The following TSPAN5 variants were observed in gnomAD, a reference collection of about 807,000 sequenced individuals.
The protein encoded by TSPAN5 is tetraspanin 5.
TSPAN5 carries 10 observed loss-of-function variants against 37.1 expected under a neutral mutation model. That is an observed-to-expected ratio of 0.27 (90% CI 0.17 to 0.46). TSPAN5 has a LOEUF of 0.46. Among genes scored for constraint, TSPAN5 ranks in the 20% least tolerant of loss-of-function variants. The probability of loss-of-function intolerance (pLI) is 1.00; values close to 1 mark genes in which losing one functional copy is unlikely to be tolerated. For synonymous variants in TSPAN5, 110 were observed against 118.9 expected (o/e 0.93, Z 0.48); for missense variants, 195 against 326.6 (o/e 0.60, Z 3.11).
At chr4:98,626,886 G>GTTTTTTTTTTTTTTTTTTTTTTT (rs34770397) in intron 1 of TSPAN5, among the ~76,000 whole-genome samples, 1 of 83,486 alleles carries the variant, frequency 1.2e-5, no homozygotes, top group East Asian at 3.3e-4. Context: ...ATGAGAGCAG[G>GTTTTTTTTTTTTTTTTTTTTTTT]TTTTTTTTTT....
chr4:98,487,370 A>C (rs959609226), intron 2 of TSPAN5, among the ~76,000 whole-genome samples: 1 of 152,150 alleles, frequency 6.6e-6, no homozygotes, highest in Non-Finnish European at 1.5e-5. Flanking sequence ...ACAAACAAAA[A>C]AAGACAGATG....
In TSPAN5 at chr4:98,517,830, T is replaced by C. The variant is rs1753768870; in HGVS notation, c.82-10102A>G. ...CTCAGTAAAAGAAAGGCTTGCACTA[T>C]TCCATCTGTAACTCCCTGATTAGAT... On this transcript the variant is annotated intron_variant, in intron 1 of 7. Coordinates refer to ENST00000305798, the MANE Select transcript of TSPAN5 (RefSeq NM_005723.4). Among the ~76,000 whole-genome samples, 3 of 152,324 alleles carry C rather than the reference T, an allele frequency of 2.0e-5. No homozygotes were observed. The South Asian group carries it at 6.2e-4, about 32-fold the overall frequency.
At chr4:98,650,156 A>G (rs1757154315) in intron 1 of TSPAN5, among the ~76,000 whole-genome samples, 1 of 152,218 alleles carries the variant, frequency 6.6e-6, no homozygotes, top group African/African-American at 2.4e-5. Flanking sequence ...GGCTATTTTT[A>G]AATAATGAAG....
rs781233895 is a variant in TSPAN5 at position 98,581,522 on chromosome 4, C to T, written c.82-73794G>A. 3.9e-5 allele frequency among the ~76,000 whole-genome samples: 6 copies of T among 152,290 alleles called. No homozygotes were observed. The South Asian group carries it at 6.2e-4, about 16-fold the overall frequency. ...CCTTGTTCTTTTATCTCAATCTTGA[C>T]GGCTAATCCCTCTGCAGGGTATTAA... On this transcript the variant is annotated intron_variant, in intron 1 of 7. Coordinates refer to ENST00000305798, the MANE Select transcript of TSPAN5 (RefSeq NM_005723.4).
chr4:98,584,032 G>A (rs1409957470), intron 1 of TSPAN5, among the ~76,000 whole-genome samples: 1 of 152,148 alleles, frequency 6.6e-6, no homozygotes, highest in African/African-American at 2.4e-5. Context: ...AAAGGCCAGG[G>A]GACCCTACTA....
intron 1 of TSPAN5, among the ~76,000 whole-genome samples, chr4:98,535,813 C>T (rs1004952373): frequency 6.6e-6 from 1 of 152,076 alleles, no homozygotes; most frequent in Non-Finnish European, 1.5e-5. Context: ...CTTTCTTTTG[C>T]TTGATTGATT....
At chr4:98,510,986 C>A (rs1447990846) in intron 1 of TSPAN5, among the ~76,000 whole-genome samples, 1 of 152,166 alleles carries the variant, frequency 6.6e-6, no homozygotes, top group Non-Finnish European at 1.5e-5. Context: ...TCAGTTTCCC[C>A]TTCCCACCTC....
intron 1 of TSPAN5, among the ~76,000 whole-genome samples, chr4:98,656,650 T>C (rs1461754762): frequency 1.3e-5 from 2 of 152,206 alleles, no homozygotes; most frequent in African/African-American, 4.8e-5. Context: ...AAAAACTGCC[T>C]GTGGAATGAT....
Position 98,614,988 on chromosome 4 carries a change from T to C in TSPAN5, c.81+43158A>G, listed in dbSNP as rs146172063. Among the ~76,000 whole-genome samples, 62 of 152,332 alleles carry C rather than the reference T, an allele frequency of 4.1e-4. 1 individual carries two copies. The East Asian group carries it at 0.01, about 26-fold the overall frequency. On this transcript the variant is annotated intron_variant, in intron 1 of 7. Coordinates refer to ENST00000305798, the MANE Select transcript of TSPAN5 (RefSeq NM_005723.4). ...TAGGGCAACATATTTAATTCAAGTG[T>C]CTACTTCAACAGAGATGATGCCAAC...
At position 98,609,934 on chromosome 4, in the gene TSPAN5, C is replaced by A. The variant is rs570047946; in HGVS notation, c.81+48212G>T. ...TTCTCTGGCTTCATAAGCAGAATGC[C>A]TTGCCTCTTTCAAGCAGGAGGGCTC... On this transcript the variant is annotated intron_variant, in intron 1 of 7. Coordinates refer to ENST00000305798, the MANE Select transcript of TSPAN5 (RefSeq NM_005723.4). 4.2e-4 allele frequency among the ~76,000 whole-genome samples: 64 copies of A among 152,184 alleles called. No individual in the cohort carries two copies. The Middle Eastern group carries it at 0.01, about 24-fold the overall frequency.
At chr4:98,479,463 T>C (rs1396501974) in intron 4 of TSPAN5, among the ~76,000 whole-genome samples, 1 of 152,182 alleles carries the variant, frequency 6.6e-6, no homozygotes, top group Non-Finnish European at 1.5e-5. Flanking sequence ...AGCCTATGAA[T>C]GGACGTGCAG....
intron 1 of TSPAN5, among the ~76,000 whole-genome samples, chr4:98,626,635 C>T (rs1005823726): frequency 1.3e-5 from 2 of 152,034 alleles, no homozygotes; most frequent in African/African-American, 4.8e-5. Flanking sequence ...CTCCCTCTGC[C>T]GGGACCGCTT....
rs775305207 is a variant in TSPAN5 at position 98,482,135 on chromosome 4, G to A, written c.320C>T (p.Thr107Ile). ...FLGIIFFLEL[T>I]AGVLAFVFKD... ...GAAAACAAATGCTAGAACTCCGGCAGTGAGCTCCAGGAAGAAAATAATTCC... is the reference window on the plus strand; with the variant it reads ...GAAAACAAATGCTAGAACTCCGGCAATGAGCTCCAGGAAGAAAATAATTCC... Residue 107 changes from threonine to isoleucine, a missense_variant, in exon 4 of 8, where the codon ACT becomes ATT. Transcript: ENST00000305798. 5.6e-6 allele frequency: 9 copies of A among 1,614,008 alleles called. No homozygotes were observed. The Admixed American group carries it at 1.5e-4, about 27-fold the overall frequency.
intron 1 of TSPAN5, among the ~76,000 whole-genome samples, chr4:98,553,179 C>T (rs1297797449): frequency 1.3e-5 from 2 of 152,106 alleles, no homozygotes; most frequent in African/African-American, 4.8e-5. Flanking sequence ...TTAGATAACA[C>T]TAGTATAAAG....
chr4:98,646,921 A>G (rs1237333076), intron 1 of TSPAN5, among the ~76,000 whole-genome samples: 1 of 152,204 alleles, frequency 6.6e-6, no homozygotes, highest in Non-Finnish European at 1.5e-5. Context: ...TCCGAGATAG[A>G]CGTTATCTTA....
chr4:98,483,244 C>T (rs1005864564), intron 3 of TSPAN5: 3 of 152,238 alleles, frequency 2.0e-5, no homozygotes. Context: ...TGCAGAAGAA[C>T]AGTGAGCAGC....
chr4:98,600,948 A>G (rs948854158), intron 1 of TSPAN5, among the ~76,000 whole-genome samples: 1 of 152,242 alleles, frequency 6.6e-6, no homozygotes, highest in African/African-American at 2.4e-5. Flanking sequence ...CATGGACTAC[A>G]GAATGGATGT....
chr4:98,486,567 C>T (rs1410435152), intron 3 of TSPAN5, 171 bp downstream of exon 3: 6 of 655,218 alleles, frequency 9.2e-6, no homozygotes, highest in African/African-American at 1.8e-5. Context: ...ATTAAGGAGG[C>T]ACAACTGGGA....
intron 1 of TSPAN5, among the ~76,000 whole-genome samples, chr4:98,538,603 C>T (rs1021917149): frequency 1.3e-5 from 2 of 152,198 alleles, no homozygotes; most frequent in Admixed American, 1.3e-4. Flanking sequence ...CAGTTTTCTT[C>T]CCGTTGCTTG....
Sources: allele counts gnomAD v4.1 joint callset (sites outside exome capture counted in the v4.1 genomes callset), GRCh38; gene constraint gnomAD v4.1.1; transcripts MANE v1.5; gene names NCBI Gene and HGNC (gene_info 2026-07-23, HGNC 2026-07-21).